CCDC191: variants seen among roughly 807,000 people sequenced by gnomAD.
CCDC191 encodes coiled-coil domain containing 191.
Under a neutral mutation model 114.0 loss-of-function variants are expected in CCDC191, and 99 were observed. The observed-to-expected ratio is 0.87, with a 90% CI of 0.74 to 1.03. The LOEUF is 1.03. Ranked by LOEUF, CCDC191 falls within the 50% of genes least tolerant of loss-of-function variation. The probability of loss-of-function intolerance (pLI) is 0.00; values close to 1 mark genes in which losing one functional copy is unlikely to be tolerated. For missense variants in CCDC191, 973 were observed against 1,087.0 expected (o/e 0.90, Z 1.47); for synonymous variants, 351 against 376.0 (o/e 0.93, Z 0.77).
chr3:113,969,928 T>C (rs556177072), intron 16 of CCDC191, among the ~76,000 whole-genome samples: 2 of 152,298 alleles, frequency 1.3e-5, no homozygotes, highest in East Asian at 3.9e-4. Flanking sequence ...AATCTGTAAA[T>C]TGCTTTGGGT....
intron 6 of CCDC191, among the ~76,000 whole-genome samples, chr3:114,033,756 A>T (rs540833306): frequency 6.6e-6 from 1 of 152,330 alleles, no homozygotes; most frequent in East Asian, 1.9e-4. Flanking sequence ...GAAAGAACTC[A>T]CTAAAACACC....
chr3:114,054,980 G>T (rs2076748792), intron 1 of CCDC191, among the ~76,000 whole-genome samples: 1 of 151,604 alleles, frequency 6.6e-6, no homozygotes, highest in African/African-American at 2.4e-5. Context: ...TTCATGAATT[G>T]CTTCTTACTC....
At chr3:114,054,333 A>G (rs1463433717) in intron 1 of CCDC191, 1 of 152,172 alleles carries the variant, frequency 6.6e-6, no homozygotes, top group Non-Finnish European at 1.5e-5. Flanking sequence ...TTCTTTGCCA[A>G]AAATGCAGGT....
chr3:113,971,025 CAT>C lies in CCDC191; in HGVS notation c.2607-5668_2607-5667del, dbSNP rs34830094. ...CTATTGTGAATAGTGCCGCAATAAA[CAT>C]GTGTGCATGTGTCTTTATAGCAGCA... On this transcript the variant is annotated intron_variant, in intron 16 of 16. Coordinates refer to ENST00000295878, the MANE Select transcript of CCDC191 (RefSeq NM_020817.2). Among the ~76,000 whole-genome samples the C allele has an allele frequency of 4.7e-3, 721 of 152,130 alleles. 7 individuals carry two copies. Among genetic ancestry groups the C allele is most frequent in the African/African-American group, 0.016 (671 of 41,508 alleles).
chr3:113,983,297 C>T (rs1159037595), intron 13 of CCDC191, among the ~76,000 whole-genome samples: 1 of 152,090 alleles, frequency 6.6e-6, no homozygotes, highest in Admixed American at 6.6e-5. Context: ...TGATCTTGGA[C>T]TCTCATTTCT....
At chr3:114,006,587 G>GATATATAT (rs67264886) in intron 9 of CCDC191, among the ~76,000 whole-genome samples, 1,440 of 82,446 alleles carry the variant, frequency 0.017, 10 homozygotes, top group East Asian at 0.056. Flanking sequence ...GGTTACTCCA[G>GATATATAT]ATATATATAT....
intron 9 of CCDC191, among the ~76,000 whole-genome samples, chr3:114,009,455 T>A (rs955600008): frequency 6.6e-6 from 1 of 152,122 alleles, no homozygotes; most frequent in African/African-American, 2.4e-5. Context: ...TTTAAAAAAA[T>A]TTTAAAACAC....
chr3:113,994,578 TTC>T (rs1491579591), intron 13 of CCDC191, among the ~76,000 whole-genome samples: 2 of 133,894 alleles, frequency 1.5e-5, no homozygotes, highest in Non-Finnish European at 3.2e-5. Flanking sequence ...AAAAACTAAA[TTC>T]TTTTTTTTTT....
At chr3:114,010,576 A>G (rs920197964) in intron 9 of CCDC191, among the ~76,000 whole-genome samples, 196 bp downstream of exon 9, 2 of 152,196 alleles carry the variant, frequency 1.3e-5, no homozygotes, top group Non-Finnish European at 2.9e-5. Context: ...CTAACTTCCA[A>G]TGATGCCAAA....
chr3:114,004,380 G>T (rs987812085), intron 11 of CCDC191: 2 of 1,030,182 alleles, frequency 1.9e-6, no homozygotes, highest in East Asian at 8.4e-5. Context: ...ACAGAAAAAT[G>T]ATATACCTTT....
chr3:114,033,016 A>G (rs528713872), intron 6 of CCDC191, among the ~76,000 whole-genome samples: 1 of 152,238 alleles, frequency 6.6e-6, no homozygotes, highest in East Asian at 1.9e-4. Flanking sequence ...ACATTAGAAT[A>G]TATATCTATT....
At chr3:114,042,921 C>G in intron 3 of CCDC191, 75 bp from the exon 4 acceptor site, 1 of 1,342,946 alleles carries the variant, frequency 7.4e-7, no homozygotes, top group Non-Finnish European at 1.0e-6. Flanking sequence ...TTCATTTATT[C>G]AATAAATATT....
At chr3:113,991,580 C>T (rs903295736) in intron 13 of CCDC191, among the ~76,000 whole-genome samples, 1 of 152,170 alleles carries the variant, frequency 6.6e-6, no homozygotes, top group Non-Finnish European at 1.5e-5. Flanking sequence ...TGGTGAGATA[C>T]TGAATGCTTT....
At chr3:114,048,435 T>C (rs2076659087) in intron 2 of CCDC191, among the ~76,000 whole-genome samples, 3 of 152,212 alleles carry the variant, frequency 2.0e-5, no homozygotes, top group Admixed American at 6.5e-5. Flanking sequence ...ACGCAGCCCT[T>C]TGTGAGCTTT....
intron 8 of CCDC191, among the ~76,000 whole-genome samples, chr3:114,013,183 T>C (rs907861517): frequency 2.0e-5 from 3 of 151,540 alleles, no homozygotes; most frequent in Non-Finnish European, 4.4e-5. Context: ...GAAGTGGAAA[T>C]TGCAGTGAGC....
intron 5 of CCDC191, among the ~76,000 whole-genome samples, chr3:114,036,312 G>A (rs374811269): frequency 6.6e-6 from 1 of 152,244 alleles, no homozygotes; most frequent in East Asian, 1.9e-4. Flanking sequence ...CAATCTACGT[G>A]TTTATAATAG....
At position 113,964,268 on chromosome 3, in the gene CCDC191, TATATA is replaced by T. The variant is rs1939891207; in HGVS notation, c.*882_*886del. ...GCATTTATGGACTACTTGAATTTGTTATATAATAAATGTGTATTTTATAATGAAAA... is the reference window on the plus strand; with the variant it reads ...GCATTTATGGACTACTTGAATTTGTTATAAATGTGTATTTTATAATGAAAA... On this transcript the variant is annotated 3_prime_UTR_variant, in exon 17 of 17. Transcript: ENST00000295878. The T allele has an allele frequency of 6.6e-6, 1 of 152,224 alleles. No homozygotes were observed. The highest frequency in any genetic ancestry group is 1.5e-5 in the Non-Finnish European group (1 of 68,032). 9.4% of individuals were successfully genotyped at this position (152,224 alleles called of 1,614,324 possible).
rs932357836 is a variant in CCDC191, at chr3:114,047,735, G to A, written c.130-1003C>T. ...TCATGCTGTAATCCCAGCACTTTGG[G>A]AGGCCGAGGCGGGTGGATCACTTGA... is the stretch of plus-strand genomic sequence containing the variant. On this transcript the variant is annotated intron_variant, in intron 2 of 16. Transcript: ENST00000295878. Among the ~76,000 whole-genome samples, 9 of 152,032 alleles carry A rather than the reference G, an allele frequency of 5.9e-5. No individual in the cohort carries two copies. The South Asian group carries it at 1.9e-3, about 32-fold the overall frequency.
At chr3:114,036,251 G>A (rs2076481058) in intron 5 of CCDC191, among the ~76,000 whole-genome samples, 1 of 152,048 alleles carries the variant, frequency 6.6e-6, no homozygotes, top group Non-Finnish European at 1.5e-5. Context: ...ACATTCTCAA[G>A]AATATTAATA....
Sources: gnomAD v4.1 joint callset for allele counts (sites outside exome capture counted in the v4.1 genomes callset) on GRCh38, gnomAD v4.1.1 for gene constraint, MANE v1.5 for transcripts, NCBI Gene and HGNC (gene_info 2026-07-23, HGNC 2026-07-21) for gene names.